DOT1L: variants seen among roughly 807,000 people sequenced by gnomAD.
DOT1L encodes the protein DOT1 like histone lysine methyltransferase.
Under a neutral mutation model 153.3 loss-of-function variants are expected in DOT1L, and 33 were observed. The observed-to-expected ratio is 0.22, with a 90% confidence interval of 0.16 to 0.29. The LOEUF is 0.29. DOT1L is among the 10% of genes least tolerant of loss of function. The probability of loss-of-function intolerance (pLI) is 1.00; values close to 1 mark genes in which losing one functional copy is unlikely to be tolerated. For missense variants in DOT1L, 1,847 were observed against 2,119.9 expected, an observed-to-expected ratio of 0.87 and a Z score of 2.53; for synonymous variants, 1,135 against 965.1, an observed-to-expected ratio of 1.18 and a Z score of -3.26.
chr19:2,198,127 A>G (rs1305338446), intron 7 of DOT1L, among the ~76,000 whole-genome samples: 3 of 152,186 alleles, frequency 2.0e-5, no homozygotes, highest in Admixed American at 6.5e-5. Flanking sequence ...CCATCCTGTC[A>G]TGGAGCGTGG....
At chr19:2,227,457 G>A (rs549611755) in intron 27 of DOT1L, 36 of 581,968 alleles carry the variant, frequency 6.2e-5, no homozygotes, top group African/African-American at 4.6e-4. Flanking sequence ...GGCTCTGGGA[G>A]CTGGTGTTGG....
chr19:2,231,295 C>T lies in DOT1L; in HGVS notation c.*1503C>T, dbSNP rs2024586351. 1.4e-5 allele frequency: 3 copies of T among 221,412 alleles called. No homozygotes were observed. Among genetic ancestry groups the T allele is most frequent in the African/African-American group, 2.2e-5 (1 of 44,616 alleles). 13.7% of individuals were successfully genotyped at this position (221,412 alleles called of 1,614,324 possible). On this transcript the variant is annotated 3_prime_UTR_variant, in exon 28 of 28. Transcript: ENST00000398665. Reference sequence around the variant, plus strand: ...TCGGGGAGCCCCTTCCCCAAGGTGCCACAGATCCACCCTCCAGGGAGCTGC... The same window carrying T: ...TCGGGGAGCCCCTTCCCCAAGGTGCTACAGATCCACCCTCCAGGGAGCTGC...
Position 2,207,742 on chromosome 19 carries a change from C to T in DOT1L, c.963+62C>T. Reference sequence around the variant, plus strand: ...CTGGTCTTCCACCCCGCCCACGTCACACTGCTCTCTCCTTTCTCATGTGGC... The same window carrying T: ...CTGGTCTTCCACCCCGCCCACGTCATACTGCTCTCTCCTTTCTCATGTGGC... On this transcript the variant is annotated intron_variant, in intron 11 of 27. Transcript: ENST00000398665. This position sits in a 1 kb window ranked among gnomAD's most constrained non-coding sequence, Gnocchi z 4.5. 7.0e-7 allele frequency: 1 copy of T among 1,424,006 alleles called. No individual in the cohort carries two copies. Among genetic ancestry groups the T allele is most frequent in the African/African-American group, 1.4e-5 (1 of 70,830 alleles). The allele number at this position is 1,424,006 out of a possible 1,614,324, so 88.2% of individuals were successfully genotyped here.
In DOT1L at chr19:2,193,623, C is replaced by A; in HGVS notation, c.494-66C>A. 1.3e-6 allele frequency: 2 copies of A among 1,528,750 alleles called. No individual in the cohort carries two copies. The highest frequency in any genetic ancestry group is 1.8e-6 in the Non-Finnish European group (2 of 1,108,728). The allele number at this position is 1,528,750 out of a possible 1,614,324, so 94.7% of individuals were successfully genotyped here. On this transcript the variant is annotated intron_variant, in intron 5 of 27. Transcript: ENST00000398665. This position sits in a 1 kb window ranked among gnomAD's most constrained non-coding sequence, Gnocchi z 5.9. The stretch of plus-strand genomic sequence containing the variant: ...CATTCTTGTGGCCTCTGTCTCCGAG[C>A]CTAGCACGGCCTCCCGGGTGGCATC...
At position 2,230,090 on chromosome 19, in the gene DOT1L, A is replaced by G; in HGVS notation, c.*298A>G. The G allele has an allele frequency of 1.7e-6, 1 of 582,312 alleles. No individual in the cohort carries two copies. The highest frequency in any genetic ancestry group is 3.0e-6 in the Non-Finnish European group (1 of 332,588). 36.1% of individuals were successfully genotyped at this position (582,312 alleles called of 1,614,324 possible). ...TATTGAGAAATATAAATATCTATAT[A>G]TGAGAGCTCTATATAAAGACACGTG... On this transcript the variant is annotated 3_prime_UTR_variant, in exon 28 of 28. Transcript: ENST00000398665.
chr19:2,176,493 C>T (rs1017683603), intron 1 of DOT1L, among the ~76,000 whole-genome samples: 13 of 152,218 alleles, frequency 8.5e-5, no homozygotes, highest in East Asian at 5.8e-4. Flanking sequence ...AATAATGTCA[C>T]GCTGCCAAGG....
At position 2,230,659 on chromosome 19, in the gene DOT1L, A is replaced by G. The variant is rs1295482065; in HGVS notation, c.*867A>G. 5.0e-6 allele frequency: 2 copies of G among 398,286 alleles called. No homozygotes were observed. Among genetic ancestry groups the G allele is most frequent in the African/African-American group, 4.1e-5 (2 of 48,604 alleles). The allele number at this position is 398,286 out of a possible 1,614,324, so 24.7% of individuals were successfully genotyped here. On this transcript the variant is annotated 3_prime_UTR_variant, in exon 28 of 28. Coordinates refer to ENST00000398665, the MANE Select transcript of DOT1L (RefSeq NM_032482.3). ...TAATGAGTGGCAGTATTTTATAGAGATGTGATGAGAATTTATAAATTTCAT... is the reference window on the plus strand; with the variant it reads ...TAATGAGTGGCAGTATTTTATAGAGGTGTGATGAGAATTTATAAATTTCAT...
chr19:2,222,320 A>G lies in DOT1L; in HGVS notation c.3151A>G (p.Thr1051Ala). 1.2e-6 allele frequency: 2 copies of G among 1,612,936 alleles called. No individual in the cohort carries two copies. Among genetic ancestry groups the G allele is most frequent in the Non-Finnish European group, 8.5e-7 (1 of 1,179,894 alleles). Residue 1051 changes from threonine to alanine, a missense_variant, in exon 24 of 28, where the codon ACT becomes GCT. Around this residue, in one of 8 missense-constraint regions of DOT1L, gnomAD observed 934 missense variants for 825.3 expected, o/e 1.13. Coordinates refer to ENST00000398665, the MANE Select transcript of DOT1L (RefSeq NM_032482.3). The surrounding 1 kb of genome is among the most constrained non-coding windows in gnomAD (Gnocchi z 6.5). Reference protein sequence around the residue: ...AKRRIVFTITTGAGSAKQSPS... With the variant: ...AKRRIVFTITAGAGSAKQSPS... ...GAGGAGGATTGTGTTCACCATCACC[A>G]CTGGTGCGGGCAGTGCCAAGCAGTC...
rs777419833 is a variant in DOT1L at position 2,207,712 on chromosome 19, C to T, written c.963+32C>T. 1.3e-6 allele frequency: 2 copies of T among 1,564,666 alleles called. No homozygotes were observed. Among genetic ancestry groups the T allele is most frequent in the South Asian group, 2.3e-5 (2 of 87,768 alleles). ...ATCTCGCTGCGCCTCAGCCGCAGGG[C>T]CGTCCTGGTCTTCCACCCCGCCCAC... is the stretch of plus-strand genomic sequence containing the variant. On this transcript the variant is annotated intron_variant, in intron 11 of 27. Coordinates refer to ENST00000398665, the MANE Select transcript of DOT1L (RefSeq NM_032482.3). The surrounding 1 kb of genome is among the most constrained non-coding windows in gnomAD (Gnocchi z 4.5).
intron 9 of DOT1L, among the ~76,000 whole-genome samples, chr19:2,203,260 T>C (rs747287602): frequency 6.6e-6 from 1 of 152,162 alleles, no homozygotes; most frequent in Admixed American, 6.5e-5. Flanking sequence ...CCACCATGCC[T>C]GGCTAATTTT....
intron 1 of DOT1L, among the ~76,000 whole-genome samples, chr19:2,166,112 TGGAGTC>T (rs1311762408): frequency 6.6e-6 from 1 of 151,288 alleles, no homozygotes; most frequent in East Asian, 1.9e-4. Context: ...TTGTTATTTT[TGGAGTC>T]GGAGTTTCGC....
Position 2,185,951 on chromosome 19 carries a change from C to T in DOT1L, c.200+22C>T, listed in dbSNP as rs200860514. 124 of 1,610,878 alleles carry T rather than the reference C, an allele frequency of 7.7e-5. No individual in the cohort carries two copies. The East Asian group carries it at 2.0e-3, about 26-fold the overall frequency. On this transcript the variant is annotated intron_variant, in intron 3 of 27. Transcript: ENST00000398665. ...AAAGGTAAGCAGAGTCCTGTCCAGC[C>T]GCTCCGCTCCGAGGACAGACTCGGC...
chr19:2,189,857 C>T, intron 4 of DOT1L, 62 bp downstream of exon 4: 2 of 1,567,950 alleles, frequency 1.3e-6, no homozygotes, highest in Non-Finnish European at 8.7e-7. Flanking sequence ...CCCCTCCAGA[C>T]CCCTTATGTC....
chr19:2,226,043 T>A, intron 26 of DOT1L, 140 bp from the exon 27 acceptor site: 1 of 898,104 alleles, frequency 1.1e-6, no homozygotes, highest in Non-Finnish European at 1.6e-6. Context: ...TCTCCCATCC[T>A]GTCCCGCTTG....
At position 2,220,425 on chromosome 19, in the gene DOT1L, C is replaced by T. The variant is rs866438088; in HGVS notation, c.2806+203C>T. Reference sequence around the variant, plus strand: ...GGATCGGGCTCAGCTGCAGCCATCTCGGCCTCATACCTGGGTCTCCCGACA... The same window carrying T: ...GGATCGGGCTCAGCTGCAGCCATCTTGGCCTCATACCTGGGTCTCCCGACA... On this transcript the variant is annotated intron_variant, in intron 23 of 27. Coordinates refer to ENST00000398665, the MANE Select transcript of DOT1L (RefSeq NM_032482.3). This position sits in a 1 kb window ranked among gnomAD's most constrained non-coding sequence, Gnocchi z 4.5. 19 of 677,890 alleles carry T rather than the reference C, an allele frequency of 2.8e-5. No homozygotes were observed. The highest frequency in any genetic ancestry group is 7.1e-5 in the African/African-American group (4 of 56,700). The allele number at this position is 677,890 out of a possible 1,614,324, so 42.0% of individuals were successfully genotyped here.
intron 1 of DOT1L, among the ~76,000 whole-genome samples, chr19:2,174,988 GTGTGTGTATATA>G (rs1306230894): frequency 6.0e-5 from 6 of 99,704 alleles, no homozygotes; most frequent in Admixed American, 4.8e-4. Flanking sequence ...GTGTGTGTGT[GTGTGTGTATATA>G]TATATTTTTT....
intron 16 of DOT1L, 32 bp downstream of exon 16, chr19:2,211,874 C>A: frequency 6.5e-7 from 1 of 1,537,752 alleles, no homozygotes; most frequent in Non-Finnish European, 8.8e-7. Flanking sequence ...ATTCCGCCTT[C>A]CCGCACAGAG....
At chr19:2,211,650 C>T in intron 15 of DOT1L, 101 bp from the exon 16 acceptor site, 1 of 1,026,732 alleles carries the variant, frequency 9.7e-7, no homozygotes, top group East Asian at 2.6e-5. Flanking sequence ...GAGTGCCTGA[C>T]ACCTGCCGAG....
chr19:2,206,856 A>C, intron 10 of DOT1L, 59 bp downstream of exon 10: 10 of 1,525,660 alleles, frequency 6.6e-6, no homozygotes, highest in Non-Finnish European at 9.1e-6. Flanking sequence ...TCTGACACGC[A>C]GTATTCCTAG....
Sources: gnomAD v4.1 joint callset for allele counts (sites outside exome capture counted in the v4.1 genomes callset) on GRCh38, gnomAD v4.1.1 for gene constraint, gnomAD v4.1.1 regional missense constraint, Gnocchi (gnomAD v3.1) non-coding constraint, MANE v1.5 for transcripts, NCBI Gene and HGNC (gene_info 2026-07-23, HGNC 2026-07-21) for gene names.